The following TENM3 variants were observed in gnomAD, a reference collection of about 807,000 sequenced individuals.
The protein encoded by TENM3 is teneurin-3.
TENM3 carries 63 observed loss-of-function variants against 255.1 expected under a neutral mutation model. The ratio of observed to expected loss-of-function variants is 0.25; its 90% CI spans 0.20 to 0.30. TENM3 has a LOEUF of 0.30. Among genes scored for constraint, TENM3 ranks in the 10% least tolerant of loss-of-function variants. The pLI is 1.00. For synonymous variants in TENM3, 1,306 were observed against 1,322.3 expected, an observed-to-expected ratio of 0.99 and a Z score of 0.27; for missense variants, 2,929 against 3,461.1, an observed-to-expected ratio of 0.85 and a Z score of 3.86.
chr4:182,146,548 A>G (rs1749981076), intron 1 of TENM3, among the ~76,000 whole-genome samples: 1 of 152,068 alleles, frequency 6.6e-6, no homozygotes, highest in African/African-American at 2.4e-5. Flanking sequence ...TCTTACACGA[A>G]TTTTATTATT....
the TENM3 span, among the ~76,000 whole-genome samples, chr4:181,929,183 A>C: frequency 4.6e-5 from 7 of 152,206 alleles, no homozygotes; most frequent in Admixed American, 4.6e-4. Flanking sequence ...TAACAATAGT[A>C]ACCTTAAATG....
At chr4:182,798,003 G>C (rs1275455410) in intron 27 of TENM3, among the ~76,000 whole-genome samples, 1 of 152,058 alleles carries the variant, frequency 6.6e-6, no homozygotes, top group Non-Finnish European at 1.5e-5. Context: ...CTTGTATAAG[G>C]TGGTGATCAC....
chr4:182,363,638 A>C (rs930048398), intron 3 of TENM3, among the ~76,000 whole-genome samples: 1 of 152,162 alleles, frequency 6.6e-6, no homozygotes, highest in Non-Finnish European at 1.5e-5. Context: ...TGTATACAAA[A>C]GGTAACCATA....
chr4:182,636,017 C>T (rs965275991), intron 5 of TENM3, among the ~76,000 whole-genome samples: 1 of 152,106 alleles, frequency 6.6e-6, no homozygotes, highest in African/African-American at 2.4e-5. Flanking sequence ...TTGGACATGT[C>T]TTTGTAATAA....
intron 7 of TENM3, among the ~76,000 whole-genome samples, chr4:182,674,041 A>G (rs190095279): frequency 6.6e-6 from 1 of 152,342 alleles, no homozygotes; most frequent in African/African-American, 2.4e-5. Flanking sequence ...GACTTTCCCC[A>G]AGATCAACTA....
chr4:182,203,217 CAAAAAA>C (rs1165540899), intron 1 of TENM3, among the ~76,000 whole-genome samples: 1 of 130,796 alleles, frequency 7.6e-6, no homozygotes, highest in Non-Finnish European at 1.7e-5. Flanking sequence ...AACTCCATCT[CAAAAAA>C]AAAAAAGAAA....
At chr4:182,741,316 T>C (rs79324617) in intron 18 of TENM3, among the ~76,000 whole-genome samples, 1,768 of 152,350 alleles carry the variant, frequency 0.012, 39 homozygotes, top group African/African-American at 0.04. Flanking sequence ...ATGTGTCTAA[T>C]TGAATAAACA....
At chr4:181,663,841 CT>C in the TENM3 span, among the ~76,000 whole-genome samples, 4 of 152,170 alleles carry the variant, frequency 2.6e-5, no homozygotes, top group African/African-American at 9.7e-5. Context: ...CCTTGCCATG[CT>C]TTTTGAGTTA....
At chr4:182,257,087 C>A (rs1290093602) in intron 1 of TENM3, among the ~76,000 whole-genome samples, 1 of 152,172 alleles carries the variant, frequency 6.6e-6, no homozygotes, top group East Asian at 1.9e-4. Context: ...AGTTCTCCAA[C>A]TTGAGCTTGC....
intron 3 of TENM3, among the ~76,000 whole-genome samples, chr4:182,510,873 T>G (rs1365103923): frequency 1.3e-5 from 2 of 152,228 alleles, no homozygotes; most frequent in Non-Finnish European, 2.9e-5. Context: ...ACACCCTTGC[T>G]GGCCTTGCCA....
the TENM3 span, among the ~76,000 whole-genome samples, chr4:181,473,933 TA>T: frequency 3.9e-4 from 59 of 150,482 alleles, no homozygotes; most frequent in Non-Finnish European, 6.4e-4. Context: ...ACTGTATATA[TA>T]AAAATATACT....
chr4:182,035,958 A>T, the TENM3 span, among the ~76,000 whole-genome samples: 1 of 151,996 alleles, frequency 6.6e-6, no homozygotes, highest in Non-Finnish European at 1.5e-5. Flanking sequence ...TCACCTCCTC[A>T]AACTCACCAT....
At chr4:181,770,308 G>A in the TENM3 span, among the ~76,000 whole-genome samples, 1 of 152,150 alleles carries the variant, frequency 6.6e-6, no homozygotes, top group East Asian at 1.9e-4. Flanking sequence ...CATTACGATT[G>A]AAAAAATTAT....
intron 3 of TENM3, among the ~76,000 whole-genome samples, chr4:182,577,124 C>G (rs1371090703): frequency 6.6e-6 from 1 of 152,198 alleles, no homozygotes; most frequent in Non-Finnish European, 1.5e-5. Flanking sequence ...ATGCATTCTT[C>G]ACAGCAACTA....
intron 18 of TENM3, among the ~76,000 whole-genome samples, chr4:182,740,848 A>G (rs1352892173): frequency 1.3e-5 from 2 of 152,146 alleles, no homozygotes; most frequent in African/African-American, 4.8e-5. Flanking sequence ...GAACTTTCCA[A>G]AATGCTGTCC....
chr4:181,641,343 C>T, the TENM3 span, among the ~76,000 whole-genome samples: 1 of 151,328 alleles, frequency 6.6e-6, no homozygotes, highest in African/African-American at 2.4e-5. Flanking sequence ...TAGCTCCCCA[C>T]CCCCGGCAGG....
At chr4:182,671,969 C>A (rs1301175247) in intron 6 of TENM3, among the ~76,000 whole-genome samples, 1 of 152,136 alleles carries the variant, frequency 6.6e-6, no homozygotes, top group Non-Finnish European at 1.5e-5. Context: ...TCACTCCTCA[C>A]CCTCTTGTTG....
chr4:181,603,142 CA>C, the TENM3 span, among the ~76,000 whole-genome samples: 1 of 152,284 alleles, frequency 6.6e-6, no homozygotes, highest in East Asian at 1.9e-4. Flanking sequence ...CTCTTAATGA[CA>C]AAATGCCATA....
chr4:182,756,212 C>G (rs1762736235), intron 22 of TENM3, among the ~76,000 whole-genome samples: 2 of 152,208 alleles, frequency 1.3e-5, no homozygotes, highest in African/African-American at 4.8e-5. Context: ...ACCAGAGAAG[C>G]TACACTGTGC....
Sources: allele counts gnomAD v4.1 joint callset (sites outside exome capture counted in the v4.1 genomes callset), GRCh38; gene constraint gnomAD v4.1.1; transcripts MANE v1.5; gene names NCBI Gene and HGNC (gene_info 2026-07-23, HGNC 2026-07-21).